Variants in MAGI2 observed in about 807,000 individuals in gnomAD.
MAGI2 encodes the protein membrane associated guanylate kinase, WW and PDZ domain containing 2.
MAGI2 carries 35 observed loss-of-function variants against 133.3 expected under a neutral mutation model. The ratio of observed to expected loss-of-function variants is 0.26; its 90% CI spans 0.20 to 0.35. The LOEUF (loss-of-function observed/expected upper bound fraction) is 0.35, where lower values mean the gene tolerates loss of function less well. MAGI2 is among the 10% of genes least tolerant of loss of function. The pLI is 1.00. For missense variants in MAGI2, 1,636 were observed against 1,863.4 expected (o/e 0.88, Z 2.25); for synonymous variants, 729 against 710.6 (o/e 1.03, Z -0.41).
intron 16 of MAGI2, among the ~76,000 whole-genome samples, chr7:78,139,611 C>T (rs530895689): frequency 6.6e-6 from 1 of 152,306 alleles, no homozygotes; most frequent in African/African-American, 2.4e-5. Flanking sequence ...AGACAGCATG[C>T]CTTGCAGACA....
intron 6 of MAGI2, among the ~76,000 whole-genome samples, chr7:78,440,727 A>G (rs913261003): frequency 2.0e-5 from 3 of 152,074 alleles, no homozygotes; most frequent in African/African-American, 7.2e-5. Context: ...CAGGGAGGGT[A>G]GATCACTTGA....
At chr7:78,946,323 A>G (rs537266491) in intron 2 of MAGI2, among the ~76,000 whole-genome samples, 1 of 152,328 alleles carries the variant, frequency 6.6e-6, no homozygotes, top group African/African-American at 2.4e-5. Flanking sequence ...ACATCAACCA[A>G]TGTAAGAATT....
intron 1 of MAGI2, among the ~76,000 whole-genome samples, chr7:79,327,471 G>A (rs564853111): frequency 2.5e-4 from 38 of 152,166 alleles, no homozygotes; most frequent in African/African-American, 8.7e-4. Flanking sequence ...CCTGGTAAAG[G>A]GAAATCCTGA....
At chr7:78,492,954 T>C (rs138217383) in intron 5 of MAGI2, among the ~76,000 whole-genome samples, 7 of 152,286 alleles carry the variant, frequency 4.6e-5, no homozygotes, top group African/African-American at 1.4e-4. Flanking sequence ...ATAAAGCTAA[T>C]GTGATGATCA....
chr7:78,865,243 A>G (rs557185650), intron 2 of MAGI2, among the ~76,000 whole-genome samples: 2 of 152,188 alleles, frequency 1.3e-5, no homozygotes, highest in Non-Finnish European at 2.9e-5. Flanking sequence ...TTGGTTCCAC[A>G]GAGTAGAAGA....
chr7:78,077,577 T>C (rs1016148263), intron 21 of MAGI2, among the ~76,000 whole-genome samples: 3 of 152,006 alleles, frequency 2.0e-5, no homozygotes, highest in East Asian at 1.9e-4. Flanking sequence ...GTGCACAAGA[T>C]GCTGGAAACA....
At position 78,246,871 on chromosome 7, in the gene MAGI2, A is replaced by G. The variant is rs75996813; in HGVS notation, c.2047+9072T>C. On this transcript the variant is annotated intron_variant, in intron 10 of 21. Transcript: ENST00000354212. ...AGTGCCGTGCCCTGCCCTCAGGGTC[A>G]GAGACATAGCTACAAGCTGGCCCCC... 1.5e-4 allele frequency among the ~76,000 whole-genome samples: 23 copies of G among 152,306 alleles called. No individual in the cohort carries two copies. In the East Asian group the frequency reaches 4.4e-3, roughly 29 times the overall value.
chr7:78,579,932 T>A (rs1045847345), intron 3 of MAGI2, among the ~76,000 whole-genome samples: 1 of 152,188 alleles, frequency 6.6e-6, no homozygotes, highest in Non-Finnish European at 1.5e-5. Flanking sequence ...CAACTGCTCG[T>A]CTATTGATCT....
At chr7:79,230,995 T>C (rs1831321064) in intron 1 of MAGI2, among the ~76,000 whole-genome samples, 2 of 126,360 alleles carry the variant, frequency 1.6e-5, no homozygotes. Context: ...GGATCCAGTT[T>C]CAGCTTTCTA....
At chr7:79,235,300 C>A (rs1216641615) in intron 1 of MAGI2, among the ~76,000 whole-genome samples, 1 of 152,176 alleles carries the variant, frequency 6.6e-6, no homozygotes, top group African/African-American at 2.4e-5. Context: ...GGCAGGCCTC[C>A]TTGAGCTGTG....
At chr7:79,121,535 A>T (rs10270450) in intron 1 of MAGI2, among the ~76,000 whole-genome samples, 1 of 152,018 alleles carries the variant, frequency 6.6e-6, no homozygotes, top group Admixed American at 6.6e-5. Flanking sequence ...TGCCTTATGT[A>T]TCATCCCATG....
At chr7:79,385,221 A>G (rs1844091089) in intron 1 of MAGI2, among the ~76,000 whole-genome samples, 1 of 151,850 alleles carries the variant, frequency 6.6e-6, no homozygotes, top group African/African-American at 2.4e-5. Context: ...TATGGAAGCT[A>G]TCATGTGCAA....
intron 1 of MAGI2, among the ~76,000 whole-genome samples, chr7:79,055,324 C>G (rs952174361): frequency 2.6e-5 from 4 of 151,666 alleles, no homozygotes; most frequent in South Asian, 2.1e-4. Flanking sequence ...GCACAAGAGG[C>G]AGTAACTGTG....
At chr7:78,645,756 C>T (rs1311862973) in intron 2 of MAGI2, among the ~76,000 whole-genome samples, 7 of 149,380 alleles carry the variant, frequency 4.7e-5, no homozygotes, top group African/African-American at 1.2e-4. Flanking sequence ...TTTTTTTCCC[C>T]GAGACATTGT....
chr7:78,813,932 GT>G (rs1443482691), intron 2 of MAGI2, among the ~76,000 whole-genome samples: 1 of 152,090 alleles, frequency 6.6e-6, no homozygotes, highest in African/African-American at 2.4e-5. Context: ...GTGAAAAACT[GT>G]TTCCTTCCTA....
At chr7:78,753,282 G>T (rs2151282786) in intron 2 of MAGI2, among the ~76,000 whole-genome samples, 1 of 151,788 alleles carries the variant, frequency 6.6e-6, no homozygotes, top group East Asian at 1.9e-4. Context: ...AAATACAAAT[G>T]AAAATATAAT....
At chr7:79,415,609 A>C (rs1000161121) in intron 1 of MAGI2, 4 of 152,176 alleles carry the variant, frequency 2.6e-5, no homozygotes, top group African/African-American at 9.6e-5. Context: ...GAAGTTTCCA[A>C]TGGTGAAAAA....
intron 9 of MAGI2, among the ~76,000 whole-genome samples, chr7:78,331,544 T>C (rs560474518): frequency 4.6e-5 from 7 of 152,322 alleles, no homozygotes; most frequent in South Asian, 2.1e-4. Flanking sequence ...TTATTACTTT[T>C]AGTTTAAATT....
At chr7:78,172,488 C>A (rs918177359) in intron 14 of MAGI2, among the ~76,000 whole-genome samples, 1 of 152,226 alleles carries the variant, frequency 6.6e-6, no homozygotes, top group Non-Finnish European at 1.5e-5. Flanking sequence ...CCTCAGCTCA[C>A]AGCTGGAAAT....
Sources: gnomAD v4.1 joint callset for allele counts (sites outside exome capture counted in the v4.1 genomes callset) on GRCh38, gnomAD v4.1.1 for gene constraint, MANE v1.5 for transcripts, NCBI Gene and HGNC (gene_info 2026-07-23, HGNC 2026-07-21) for gene names.